YY1: variants seen among roughly 807,000 people sequenced by gnomAD.
YY1 encodes YY1 transcription factor, also known as transcriptional repressor protein YY1.
A neutral mutation model predicts 35.6 loss-of-function variants in YY1; 2 were observed. That is an observed-to-expected ratio of 0.06 (90% confidence interval 0.02 to 0.18). The LOEUF is 0.18. Ranked by LOEUF, YY1 falls within the 10% of genes least tolerant of loss-of-function variation. The probability of loss-of-function intolerance (pLI) is 1.00; values close to 1 mark genes in which losing one functional copy is unlikely to be tolerated. For synonymous variants in YY1, 268 were observed against 238.9 expected (o/e 1.12, Z -1.12); for missense variants, 322 against 573.4 (o/e 0.56, Z 4.48).
chr14:100,253,808 G>T (rs1053505751), intron 1 of YY1, among the ~76,000 whole-genome samples: 1 of 151,994 alleles, frequency 6.6e-6, no homozygotes, highest in Non-Finnish European at 1.5e-5. Flanking sequence ...TTTTAACAAA[G>T]ATTTTTATTA....
At position 100,272,954 on chromosome 14, in the gene YY1, G is replaced by GT. The variant is rs1555370707; in HGVS notation, c.843-1734dup. ...AGTGGCCCCCAGCTAGTTTTTTGTT[G>GT]TTTTTTTTTTGTTTTTTTTTTTTTG... On this transcript the variant is annotated intron_variant, in intron 2 of 4. Coordinates refer to ENST00000262238, the MANE Select transcript of YY1 (RefSeq NM_003403.5). 6.4e-3 allele frequency among the ~76,000 whole-genome samples: 898 copies of GT among 141,186 alleles called. 5 individuals are homozygous for GT. The highest frequency in any genetic ancestry group is 0.024 in the East Asian group (115 of 4,842). 92.6% of individuals were successfully genotyped at this position (141,186 alleles called of 152,430 possible).
In YY1 at chr14:100,239,875, C is replaced by G; in HGVS notation, c.631C>G (p.Gln211Glu). 6.6e-7 allele frequency: 1 copy of G among 1,526,514 alleles called. No homozygotes were observed. The highest frequency in any genetic ancestry group is 8.8e-7 in the Non-Finnish European group (1 of 1,139,902). 94.6% of individuals were successfully genotyped at this position (1,526,514 alleles called of 1,614,324 possible). The change falls in exon 1 of 5, where the codon CAG becomes GAG. Residue 211 changes from glutamine (Q) to glutamate (E), a missense_variant. Transcript: ENST00000262238. ...CAAGAAGTGGGAGCAGAAGCAGGTG[C>G]AGATCAAGACCCTGGAGGGCGAGTT... is the stretch of plus-strand genomic sequence containing the variant. ...GNKKWEQKQV[Q>E]IKTLEGEFSV...
chr14:100,241,975 A>C (rs61992926), intron 1 of YY1, among the ~76,000 whole-genome samples: 1 of 16,794 alleles, frequency 6.0e-5, no homozygotes, highest in African/African-American at 1.6e-4. Flanking sequence ...ACTCTGTCTC[A>C]AAAGGGGGGG....
chr14:100,262,233 T>C (rs182606637), intron 1 of YY1, 71 bp from the exon 2 acceptor site: 8 of 1,549,066 alleles, frequency 5.2e-6, no homozygotes, highest in African/African-American at 2.7e-5. Flanking sequence ...AAGAAGTTAC[T>C]GGTGAAAGCA....
chr14:100,281,281 A>G lies in YY1; in HGVS notation c.*3681A>G, dbSNP rs1249110975. 1 of 152,054 alleles carries G rather than the reference A, an allele frequency of 6.6e-6. No homozygotes were observed. Among genetic ancestry groups the G allele is most frequent in the African/African-American group, 2.4e-5 (1 of 41,382 alleles). The allele number at this position is 152,054 out of a possible 1,614,324, so 9.4% of individuals were successfully genotyped here. On this transcript the variant is annotated 3_prime_UTR_variant, in exon 5 of 5. Coordinates refer to ENST00000262238, the MANE Select transcript of YY1 (RefSeq NM_003403.5). ...TTGACATCTGACCCCCAGCAAGAGT[A>G]AGGATCCCAGAGGTCAAAACAGTGG...
At position 100,240,735 on chromosome 14, in the gene YY1, C is replaced by G. The variant is rs545428422; in HGVS notation, c.679+812C>G. Among the ~76,000 whole-genome samples the G allele has an allele frequency of 4.7e-3, 709 of 152,310 alleles. 2 individuals are homozygous for G. Among genetic ancestry groups the G allele is most frequent in the Non-Finnish European group, 6.8e-3 (462 of 68,016 alleles). ...TGGCCTTTTCGCCTTCCTGCGGTAC[C>G]TAGTGGAAAGGGCCTGTGAATGTTA... On this transcript the variant is annotated intron_variant, in intron 1 of 4. Transcript: ENST00000262238.
At chr14:100,250,497 C>T (rs1488777748) in intron 1 of YY1, among the ~76,000 whole-genome samples, 2 of 151,848 alleles carry the variant, frequency 1.3e-5, no homozygotes, top group African/African-American at 2.4e-5. Flanking sequence ...TATAGAAAAT[C>T]GGGATCACAG....
intron 1 of YY1, among the ~76,000 whole-genome samples, chr14:100,242,398 T>TGAGATGGAGTC (rs1890762705): frequency 6.9e-6 from 1 of 145,680 alleles, no homozygotes; most frequent in African/African-American, 2.5e-5. Flanking sequence ...TTTTTTTTTT[T>TGAGATGGAGTC]TTTTTTTTGA....
At chr14:100,266,692 G>C (rs972662206) in intron 2 of YY1, among the ~76,000 whole-genome samples, 1 of 152,262 alleles carries the variant, frequency 6.6e-6, no homozygotes, top group Admixed American at 6.5e-5. Context: ...AGTAAGATAG[G>C]CCATCAAGTG....
intron 2 of YY1, among the ~76,000 whole-genome samples, chr14:100,265,956 T>C (rs748337133): frequency 6.6e-6 from 1 of 152,136 alleles, no homozygotes; most frequent in African/African-American, 2.4e-5. Flanking sequence ...CTTTTGAAAC[T>C]TTAAATTACA....
chr14:100,266,541 T>C (rs2139594044), intron 2 of YY1, among the ~76,000 whole-genome samples: 1 of 152,006 alleles, frequency 6.6e-6, no homozygotes, highest in East Asian at 1.9e-4. Flanking sequence ...GAGCAGAAAA[T>C]CCAGGGACAC....
chr14:100,247,710 C>A (rs557568740), intron 1 of YY1, among the ~76,000 whole-genome samples: 1 of 152,114 alleles, frequency 6.6e-6, no homozygotes, highest in East Asian at 1.9e-4. Context: ...CATAACAGCA[C>A]GTAAGGGGAG....
chr14:100,262,186 G>A (rs1891094536), intron 1 of YY1, 118 bp from the exon 2 acceptor site: 1 of 1,098,694 alleles, frequency 9.1e-7, no homozygotes, highest in South Asian at 1.5e-5. Flanking sequence ...GGAGAGGGGA[G>A]AACAAATTGA....
chr14:100,263,383 C>G (rs1310274976), intron 2 of YY1, among the ~76,000 whole-genome samples: 2 of 152,170 alleles, frequency 1.3e-5, no homozygotes, highest in African/African-American at 2.4e-5. Context: ...AGGAGGAGAT[C>G]AAGTATTTAT....
chr14:100,260,440 TATATATACAC>T (rs1355080437), intron 1 of YY1, among the ~76,000 whole-genome samples: 2 of 138,996 alleles, frequency 1.4e-5, no homozygotes, highest in African/African-American at 5.7e-5. Flanking sequence ...TATATATATA[TATATATACAC>T]ACACACACAC....
At position 100,277,621 on chromosome 14, in the gene YY1, C is replaced by T. The variant is rs367828506; in HGVS notation, c.*21C>T. 1 of 1,612,712 alleles carries T rather than the reference C, an allele frequency of 6.2e-7. No homozygotes were observed. Among genetic ancestry groups the T allele is most frequent in the Non-Finnish European group, 8.5e-7 (1 of 1,178,894 alleles). Reference sequence around the variant, plus strand: ...AGTGAAAAGAAGAGAGAAGACCCTTCTCGACCACGGGAAGCATCTTCCAGA... The same window carrying T: ...AGTGAAAAGAAGAGAGAAGACCCTTTTCGACCACGGGAAGCATCTTCCAGA... On this transcript the variant is annotated 3_prime_UTR_variant, in exon 5 of 5. Transcript: ENST00000262238. This position sits in a 1 kb window ranked among gnomAD's most constrained non-coding sequence, Gnocchi z 5.6.
At chr14:100,263,717 G>C (rs1891115705) in intron 2 of YY1, 1 of 152,068 alleles carries the variant, frequency 6.6e-6, no homozygotes, top group African/African-American at 2.4e-5. Context: ...AACAGAGTGG[G>C]TTGCTTTTTT....
intron 1 of YY1, among the ~76,000 whole-genome samples, chr14:100,241,024 A>G (rs547437497): frequency 6.6e-6 from 1 of 152,258 alleles, no homozygotes; most frequent in Non-Finnish European, 1.5e-5. Context: ...AGGCCTGAAA[A>G]CCATCTAGAG....
At chr14:100,261,162 C>T (rs370555961) in intron 1 of YY1, among the ~76,000 whole-genome samples, 10 of 151,858 alleles carry the variant, frequency 6.6e-5, no homozygotes, top group Admixed American at 4.6e-4. Flanking sequence ...TCGTACATTT[C>T]TTTGAACATA....
Sources: gnomAD v4.1 joint callset for allele counts (sites outside exome capture counted in the v4.1 genomes callset) on GRCh38, gnomAD v4.1.1 for gene constraint, Gnocchi (gnomAD v3.1) non-coding constraint, MANE v1.5 for transcripts, NCBI Gene and HGNC (gene_info 2026-07-23, HGNC 2026-07-21) for gene names.